Variants in TBC1D19 observed in about 807,000 individuals in gnomAD.
TBC1D19 encodes the protein TBC1 domain family member 19.
Under a neutral mutation model 89.0 loss-of-function variants are expected in TBC1D19, and 60 were observed. The ratio of observed to expected loss-of-function variants is 0.67; its 90% CI spans 0.55 to 0.84. The LOEUF (loss-of-function observed/expected upper bound fraction) is 0.84. Among genes scored for constraint, TBC1D19 ranks in the 40% least tolerant of loss-of-function variants. TBC1D19 has a pLI of 0.00. For synonymous variants in TBC1D19, 189 were observed against 199.7 expected, an observed-to-expected ratio of 0.95 and a Z score of 0.45; for missense variants, 500 against 610.8, an observed-to-expected ratio of 0.82 and a Z score of 1.91.
intron 11 of TBC1D19, among the ~76,000 whole-genome samples, chr4:26,683,301 A>C (rs1230873436): frequency 6.6e-6 from 1 of 152,158 alleles, no homozygotes; most frequent in Non-Finnish European, 1.5e-5. Flanking sequence ...CTCAAGCATA[A>C]ATGGGAATAA....
chr4:26,855,566 C>A, the TBC1D19 span, among the ~76,000 whole-genome samples: 1 of 152,112 alleles, frequency 6.6e-6, no homozygotes, highest in Non-Finnish European at 1.5e-5. Flanking sequence ...GTACTTATGG[C>A]CATTTTTTTT....
the TBC1D19 span, among the ~76,000 whole-genome samples, chr4:26,778,552 C>T: frequency 2.0e-5 from 3 of 152,110 alleles, no homozygotes; most frequent in East Asian, 1.9e-4. Flanking sequence ...GAACCAGAAC[C>T]GAGGTCTGCT....
Position 26,615,048 on chromosome 4 carries a change from A to G in TBC1D19, c.218+595A>G, listed in dbSNP as rs551588913. Among the ~76,000 whole-genome samples the G allele has an allele frequency of 2.6e-5, 4 of 152,236 alleles. No individual in the cohort carries two copies. The East Asian group carries it at 7.7e-4, about 29-fold the overall frequency. On this transcript the variant is annotated intron_variant, in intron 3 of 20. Coordinates refer to ENST00000264866, the MANE Select transcript of TBC1D19 (RefSeq NM_018317.4). ...GGGAATAAGATGTTTCTCTGAAGTTAATATTTCAGATAACTGAAGCTTACT... is the reference window on the plus strand; with the variant it reads ...GGGAATAAGATGTTTCTCTGAAGTTGATATTTCAGATAACTGAAGCTTACT...
intron 13 of TBC1D19, among the ~76,000 whole-genome samples, chr4:26,716,048 CTCTGTTCCCCTTTA>C (rs957774492): frequency 1.3e-5 from 2 of 152,134 alleles, no homozygotes; most frequent in African/African-American, 2.4e-5. Context: ...CCCACTCTTT[CTCTGTTCCCCTTTA>C]TCTTGTTTCC....
chr4:26,748,404 C>G lies in TBC1D19; in HGVS notation c.1320-7C>G, dbSNP rs1718767807. 2.5e-6 allele frequency: 4 copies of G among 1,603,078 alleles called. No homozygotes were observed. In the East Asian group the frequency reaches 8.9e-5, roughly 36 times the overall value. On this transcript the variant is annotated splice_polypyrimidine_tract_variant and splice_region_variant and intron_variant, in intron 18 of 20. Coordinates refer to ENST00000264866, the MANE Select transcript of TBC1D19 (RefSeq NM_018317.4). ...GTACATTAATTTTTATTTTTCCTTG[C>G]TTATAGACTTCGCATATCATTTAAG...
chr4:26,725,815 C>G (rs1407069599), intron 15 of TBC1D19, among the ~76,000 whole-genome samples: 1 of 152,044 alleles, frequency 6.6e-6, no homozygotes, highest in Non-Finnish European at 1.5e-5. Context: ...TTTTGGTGAT[C>G]AACATATCTA....
the TBC1D19 span, among the ~76,000 whole-genome samples, chr4:26,764,045 G>T: frequency 6.6e-6 from 1 of 152,136 alleles, no homozygotes; most frequent in African/African-American, 2.4e-5. Context: ...TATGCCTGTT[G>T]TTTTTCATTT....
upstream of TBC1D19, among the ~76,000 whole-genome samples, chr4:26,581,842 C>G (rs1739071670): frequency 6.6e-6 from 1 of 152,090 alleles, no homozygotes; most frequent in Non-Finnish European, 1.5e-5. Flanking sequence ...TTGCCTAGAG[C>G]AGGTGTTCTG....
intron 7 of TBC1D19, among the ~76,000 whole-genome samples, chr4:26,645,980 G>A (rs1314273294): frequency 4.6e-5 from 7 of 151,414 alleles, no homozygotes; most frequent in Admixed American, 6.6e-5. Flanking sequence ...AAAATTAGCC[G>A]GGCGTAGTGG....
chr4:26,644,912 G>A (rs1279968424), intron 7 of TBC1D19, among the ~76,000 whole-genome samples: 1 of 152,088 alleles, frequency 6.6e-6, no homozygotes, highest in Admixed American at 6.6e-5. Context: ...ACTGTTCAAT[G>A]AAATAAAAGA....
intron 16 of TBC1D19, among the ~76,000 whole-genome samples, chr4:26,737,209 A>T (rs1357034148): frequency 6.6e-6 from 1 of 152,136 alleles, no homozygotes; most frequent in Non-Finnish European, 1.5e-5. Flanking sequence ...CACAGGCTTG[A>T]ATTATAGGGT....
At position 26,754,967 on chromosome 4, in the gene TBC1D19, C is replaced by T; in HGVS notation, c.*20C>T. ...ACCTGATCTTCTTCACAGTCACTGGCAACACATCTAGTTTTTCATTAGAAA... is the reference window on the plus strand; with the variant it reads ...ACCTGATCTTCTTCACAGTCACTGGTAACACATCTAGTTTTTCATTAGAAA... On this transcript the variant is annotated 3_prime_UTR_variant, in exon 21 of 21. Transcript: ENST00000264866. 6.3e-7 allele frequency: 1 copy of T among 1,587,096 alleles called. No homozygotes were observed. Among genetic ancestry groups the T allele is most frequent in the East Asian group, 2.3e-5 (1 of 43,358 alleles).
chr4:26,640,251 A>G (rs1743411085), intron 7 of TBC1D19, 64 bp downstream of exon 7: 3 of 1,335,230 alleles, frequency 2.2e-6, no homozygotes, highest in African/African-American at 1.5e-5. Context: ...ATGATGATGT[A>G]AAAATATATC....
the TBC1D19 span, among the ~76,000 whole-genome samples, chr4:26,835,759 C>T: frequency 6.6e-6 from 1 of 152,184 alleles, no homozygotes; most frequent in African/African-American, 2.4e-5. Context: ...TAAATGAAAA[C>T]CTGATCATGT....
intron 3 of TBC1D19, among the ~76,000 whole-genome samples, chr4:26,619,438 C>T (rs1353610600): frequency 6.6e-6 from 1 of 152,122 alleles, no homozygotes; most frequent in Non-Finnish European, 1.5e-5. Context: ...AGCTCCTGAC[C>T]TCGTGATCCA....
chr4:26,576,841 T>C (rs1343845288), intron 1 of TBC1D19: 1 of 456,228 alleles, frequency 2.2e-6, no homozygotes, highest in Non-Finnish European at 4.4e-6. Context: ...TAAAGGGCTA[T>C]GTCATGAACC....
chr4:26,810,533 C>T, the TBC1D19 span, among the ~76,000 whole-genome samples: 7 of 152,148 alleles, frequency 4.6e-5, no homozygotes, highest in African/African-American at 1.7e-4. Context: ...TCTTGCTTGA[C>T]CTTCATATAG....
At chr4:26,832,636 G>C in the TBC1D19 span, among the ~76,000 whole-genome samples, 1 of 152,162 alleles carries the variant, frequency 6.6e-6, no homozygotes, top group Non-Finnish European at 1.5e-5. Flanking sequence ...AGAGGAAAAA[G>C]AGGAAGGAGC....
chr4:26,577,329 A>G (rs1483877384), intron 1 of TBC1D19, among the ~76,000 whole-genome samples: 1 of 150,640 alleles, frequency 6.6e-6, no homozygotes, highest in Admixed American at 6.6e-5. Context: ...GTGTGTGTGT[A>G]TTCTCCTATT....
Sources: allele counts gnomAD v4.1 joint callset (sites outside exome capture counted in the v4.1 genomes callset), GRCh38; gene constraint gnomAD v4.1.1; transcripts MANE v1.5; gene names NCBI Gene and HGNC (gene_info 2026-07-23, HGNC 2026-07-21).